VAT1L: variants seen among roughly 807,000 people sequenced by gnomAD.
VAT1L encodes the protein putative NADPH-dependent quinone oxidoreductase VAT1L.
Under a neutral mutation model 44.1 loss-of-function variants are expected in VAT1L, and 34 were observed. The observed-to-expected ratio is 0.77, with a 90% CI of 0.59 to 1.03. The LOEUF (loss-of-function observed/expected upper bound fraction) is 1.03. Ranked by LOEUF, VAT1L falls within the 50% of genes least tolerant of loss-of-function variation. The pLI, the probability that VAT1L is intolerant of heterozygous loss-of-function variation, is 0.00. For missense variants in VAT1L, 615 were observed against 538.8 expected, an observed-to-expected ratio of 1.14 and a Z score of -1.40; for synonymous variants, 253 against 202.2, an observed-to-expected ratio of 1.25 and a Z score of -2.13.
At chr16:77,918,484 C>T (rs1408570384) in intron 7 of VAT1L, among the ~76,000 whole-genome samples, 1 of 152,170 alleles carries the variant, frequency 6.6e-6, no homozygotes, top group Non-Finnish European at 1.5e-5. Context: ...CCGTTAGACT[C>T]CTTCACTGGC....
In VAT1L at chr16:77,853,505, T is replaced by C. The variant is rs143301593; in HGVS notation, c.580-9243T>C. The stretch of plus-strand genomic sequence containing the variant: ...AATAAAATACCTGATTATCAGATAC[T>C]GTGAGCATCATGGGGCCTTTCTCCT... On this transcript the variant is annotated intron_variant, in intron 3 of 8. Transcript: ENST00000302536. Among the ~76,000 whole-genome samples the C allele has an allele frequency of 1.7e-3, 256 of 152,304 alleles. 1 individual carries two copies. Among genetic ancestry groups the C allele is most frequent in the African/African-American group, 5.7e-3 (238 of 41,570 alleles).
At chr16:77,930,081 C>G (rs530777165) in intron 7 of VAT1L, among the ~76,000 whole-genome samples, 11 of 152,316 alleles carry the variant, frequency 7.2e-5, no homozygotes, top group African/African-American at 2.6e-4. Flanking sequence ...TTAGAAGGAC[C>G]TACCTTCCAG....
chr16:77,867,130 G>C (rs2016983163), intron 4 of VAT1L, among the ~76,000 whole-genome samples: 1 of 152,116 alleles, frequency 6.6e-6, no homozygotes, highest in Non-Finnish European at 1.5e-5. Flanking sequence ...TACAGATAAG[G>C]AAATTGAGAG....
chr16:77,977,706 A>T lies in VAT1L; in HGVS notation c.*11A>T. 6.2e-7 allele frequency: 1 copy of T among 1,612,516 alleles called. No homozygotes were observed. The highest frequency in any genetic ancestry group is 1.7e-5 in the Admixed American group (1 of 59,876). On this transcript the variant is annotated 3_prime_UTR_variant, in exon 9 of 9. Transcript: ENST00000302536. The stretch of plus-strand genomic sequence containing the variant: ...CCCTTTATCCAGTAACTGAGGACCC[A>T]GGTGGGAGAATGTGAAGGATGGTTT...
intron 2 of VAT1L, 126 bp from the exon 3 acceptor site, chr16:77,825,120 G>A: frequency 1.0e-6 from 1 of 959,032 alleles, no homozygotes; most frequent in Non-Finnish European, 1.6e-6. Context: ...ACCCACCTCA[G>A]CCTCCCAAAG....
chr16:77,928,124 A>T (rs1179690606), intron 7 of VAT1L, among the ~76,000 whole-genome samples: 1 of 152,008 alleles, frequency 6.6e-6, no homozygotes, highest in African/African-American at 2.4e-5. Context: ...AAGTCATTTT[A>T]ATATTGTTTA....
chr16:77,844,600 G>A (rs2016740519), intron 3 of VAT1L, among the ~76,000 whole-genome samples: 1 of 152,100 alleles, frequency 6.6e-6, no homozygotes, highest in South Asian at 2.1e-4. Context: ...TTAGAAACGA[G>A]GTTTCCCCAT....
chr16:77,836,920 A>T lies in VAT1L; in HGVS notation c.579+11459A>T, dbSNP rs536478912. Among the ~76,000 whole-genome samples, 4 of 152,334 alleles carry T rather than the reference A, an allele frequency of 2.6e-5. No individual in the cohort carries two copies. The South Asian group carries it at 8.3e-4, about 32-fold the overall frequency. ...CAGGAAGACAGAAGAGCTAAAGTAGATTGAGCTCAATAATTTCCATACATT... is the reference window on the plus strand; with the variant it reads ...CAGGAAGACAGAAGAGCTAAAGTAGTTTGAGCTCAATAATTTCCATACATT... On this transcript the variant is annotated intron_variant, in intron 3 of 8. Transcript: ENST00000302536.
At chr16:77,929,824 C>T (rs930602739) in intron 7 of VAT1L, among the ~76,000 whole-genome samples, 3 of 152,146 alleles carry the variant, frequency 2.0e-5, no homozygotes, top group Admixed American at 6.5e-5. Context: ...GAACTGGTAT[C>T]GGAAGTTAGC....
Position 77,879,018 on chromosome 16 carries a change from T to G in VAT1L, c.827-151T>G. ...CTAACATAGTCAACTTTATGCCTCA[T>G]TCTCATTCCCCTCACTTTGCCAAGG... On this transcript the variant is annotated intron_variant, in intron 5 of 8. Transcript: ENST00000302536. The surrounding 1 kb of genome is among the most constrained non-coding windows in gnomAD (Gnocchi z 4.1). 7.3e-6 allele frequency: 5 copies of G among 687,330 alleles called. No individual in the cohort carries two copies. Among genetic ancestry groups the G allele is most frequent in the Non-Finnish European group, 1.0e-5 (4 of 398,848 alleles). 42.6% of individuals were successfully genotyped at this position (687,330 alleles called of 1,614,324 possible).
rs35052915 is a variant in VAT1L, at chr16:77,830,936, G to A, written c.579+5475G>A. On this transcript the variant is annotated intron_variant, in intron 3 of 8. Coordinates refer to ENST00000302536, the MANE Select transcript of VAT1L (RefSeq NM_020927.3). ...TGATCTCAGGTGATCTGCCCGCCTC[G>A]GCCTCCCAAAGTGCTGGGATTACAG... Among the ~76,000 whole-genome samples the A allele has an allele frequency of 4.9e-4, 74 of 152,218 alleles. 2 individuals carry two copies. The highest frequency in any genetic ancestry group is 5.9e-4 in the Non-Finnish European group (40 of 68,016).
chr16:77,937,776 G>A (rs1056600865), intron 7 of VAT1L, among the ~76,000 whole-genome samples: 3 of 152,208 alleles, frequency 2.0e-5, no homozygotes, highest in African/African-American at 4.8e-5. Context: ...TTGAAAAGGC[G>A]AGTTGAATCC....
chr16:77,975,759 G>C (rs1365441869), intron 8 of VAT1L, among the ~76,000 whole-genome samples: 1 of 152,202 alleles, frequency 6.6e-6, no homozygotes, highest in Non-Finnish European at 1.5e-5. Context: ...CCTATGATGT[G>C]TCATGAGGTC....
chr16:77,942,613 T>C (rs563005302), intron 7 of VAT1L, among the ~76,000 whole-genome samples: 251 of 152,326 alleles, frequency 1.6e-3, no homozygotes, highest in Admixed American at 3.3e-3. Flanking sequence ...ATTTCTCTTT[T>C]TCAATTACTG....
chr16:77,948,132 A>C (rs1311196000), intron 7 of VAT1L, among the ~76,000 whole-genome samples: 1 of 152,124 alleles, frequency 6.6e-6, no homozygotes, highest in Non-Finnish European at 1.5e-5. Context: ...CTGGACTCAC[A>C]TGCCTCTTCA....
chr16:77,889,292 T>C (rs182213415), intron 7 of VAT1L, among the ~76,000 whole-genome samples: 2 of 152,320 alleles, frequency 1.3e-5, no homozygotes, highest in East Asian at 3.9e-4. Flanking sequence ...GTCTTTGACT[T>C]TATTGTAAAT....
At position 77,977,913 on chromosome 16, in the gene VAT1L, A is replaced by G; in HGVS notation, c.*218A>G. ...TCCCTCTCCTATCTGTGTATTACACATTCCCCTCTCCCCTGTATCAAAACC... is the reference window on the plus strand; with the variant it reads ...TCCCTCTCCTATCTGTGTATTACACGTTCCCCTCTCCCCTGTATCAAAACC... On this transcript the variant is annotated 3_prime_UTR_variant, in exon 9 of 9. Transcript: ENST00000302536. 3 of 510,106 alleles carry G rather than the reference A, an allele frequency of 5.9e-6. No individual in the cohort carries two copies. Among genetic ancestry groups the G allele is most frequent in the Non-Finnish European group, 1.1e-5 (3 of 279,936 alleles). 31.6% of individuals were successfully genotyped at this position (510,106 alleles called of 1,614,324 possible).
intron 1 of VAT1L, among the ~76,000 whole-genome samples, chr16:77,802,745 G>A (rs537355575): frequency 6.5e-4 from 99 of 151,740 alleles, no homozygotes; most frequent in African/African-American, 2.2e-3. Context: ...CTTAAGTGCC[G>A]CTGCTCCCTC....
chr16:77,855,433 T>G (rs114988203), intron 3 of VAT1L, among the ~76,000 whole-genome samples: 2 of 151,142 alleles, frequency 1.3e-5, no homozygotes, highest in African/African-American at 4.9e-5. Flanking sequence ...CACAGGTGAG[T>G]CCTTTCCTTC....
Sources: gnomAD v4.1 joint callset for allele counts (sites outside exome capture counted in the v4.1 genomes callset) on GRCh38, gnomAD v4.1.1 for gene constraint, Gnocchi (gnomAD v3.1) non-coding constraint, MANE v1.5 for transcripts, NCBI Gene and HGNC (gene_info 2026-07-23, HGNC 2026-07-21) for gene names.